DTNB: variants seen among roughly 807,000 people sequenced by gnomAD.
The protein encoded by DTNB is dystrobrevin beta, also known as DTN-B.
Under a neutral mutation model 90.7 loss-of-function variants are expected in DTNB, and 63 were observed. The ratio of observed to expected loss-of-function variants is 0.69; its 90% confidence interval spans 0.57 to 0.86. The LOEUF is 0.86. Ranked by LOEUF, DTNB falls within the 40% of genes least tolerant of loss-of-function variation. DTNB has a pLI of 0.00. For synonymous variants in DTNB, 277 were observed against 286.7 expected, an observed-to-expected ratio of 0.97 and a Z score of 0.34; for missense variants, 744 against 807.1, an observed-to-expected ratio of 0.92 and a Z score of 0.95.
intron 8 of DTNB, among the ~76,000 whole-genome samples, chr2:25,565,007 G>T (rs1235852118): frequency 2.0e-5 from 3 of 151,930 alleles, no homozygotes; most frequent in Admixed American, 6.6e-5. Flanking sequence ...ATGGTTTTTT[G>T]TGTGTGTTAG....
intron 16 of DTNB, among the ~76,000 whole-genome samples, chr2:25,388,799 G>A (rs2040259758): frequency 7.7e-6 from 1 of 130,466 alleles, no homozygotes; most frequent in Non-Finnish European, 1.6e-5. Flanking sequence ...GAGTGGAAAG[G>A]ACATACGTGT....
intron 8 of DTNB, among the ~76,000 whole-genome samples, chr2:25,565,144 G>A (rs531947486): frequency 3.3e-5 from 5 of 152,264 alleles, no homozygotes; most frequent in Admixed American, 6.5e-5. Flanking sequence ...GTACAATGTT[G>A]AATAAAAATG....
At position 25,516,779 on chromosome 2, in the gene DTNB, A is replaced by C. The variant is rs536485537; in HGVS notation, c.1001+14694T>G. Among the ~76,000 whole-genome samples, 28 of 152,218 alleles carry C rather than the reference A, an allele frequency of 1.8e-4. No homozygotes were observed. In the East Asian group the frequency reaches 5.2e-3, roughly 28 times the overall value. ...GTGGTGGGCGCCTGTAATCCCAGCT[A>C]TCTGGTAGGCTGAGGAAGGAGAATC... On this transcript the variant is annotated intron_variant, in intron 9 of 20. Transcript: ENST00000406818.
In DTNB at chr2:25,388,201, CCTT is replaced by C; in HGVS notation, c.1733_1735del (p.Gln578_Gly579delinsArg). ...CGCTGAACTCTGCTCCAGAAACTCACCTTGTGCGAAGGCCTCCTGCACGTCTCC... is the reference window on the plus strand; with the variant it reads ...CGCTGAACTCTGCTCCAGAAACTCACGTGCGAAGGCCTCCTGCACGTCTCC... On this transcript the variant is annotated inframe_deletion and splice_region_variant, in exon 17 of 21. Transcript: ENST00000406818. 1 of 1,564,348 alleles carries C rather than the reference CCTT, an allele frequency of 6.4e-7. No individual in the cohort carries two copies. The highest frequency in any genetic ancestry group is 8.7e-7 in the Non-Finnish European group (1 of 1,155,260).
chr2:25,432,382 T>C (rs2054194890), intron 14 of DTNB, among the ~76,000 whole-genome samples: 1 of 152,178 alleles, frequency 6.6e-6, no homozygotes, highest in Non-Finnish European at 1.5e-5. Context: ...CCTATGTCCT[T>C]AGTTTCCTGA....
intron 6 of DTNB, among the ~76,000 whole-genome samples, chr2:25,595,521 T>C (rs1443438983): frequency 6.6e-6 from 1 of 152,188 alleles, no homozygotes; most frequent in Non-Finnish European, 1.5e-5. Context: ...ACGCTGGCTG[T>C]AGCAACCATT....
intron 8 of DTNB, among the ~76,000 whole-genome samples, chr2:25,548,418 T>C (rs2082894158): frequency 6.6e-6 from 1 of 152,166 alleles, no homozygotes; most frequent in African/African-American, 2.4e-5. Flanking sequence ...TAAGGTTTTT[T>C]TTTTTTCCTT....
At chr2:25,479,184 T>C (rs2064373824) in intron 10 of DTNB, among the ~76,000 whole-genome samples, 1 of 152,202 alleles carries the variant, frequency 6.6e-6, no homozygotes, top group Non-Finnish European at 1.5e-5. Context: ...TCCCACAGAA[T>C]TGTTAAGCTT....
intron 1 of DTNB, among the ~76,000 whole-genome samples, chr2:25,656,167 G>A (rs1404590091): frequency 6.6e-6 from 1 of 152,072 alleles, no homozygotes; most frequent in Non-Finnish European, 1.5e-5. Flanking sequence ...GAGAATTAAG[G>A]CATTAAGTAG....
At position 25,425,583 on chromosome 2, in the gene DTNB, G is replaced by A. The variant is rs1000173790; in HGVS notation, c.1554+1952C>T. 3.3e-5 allele frequency among the ~76,000 whole-genome samples: 5 copies of A among 152,178 alleles called. No individual in the cohort carries two copies. The South Asian group carries it at 6.2e-4, about 19-fold the overall frequency. The stretch of plus-strand genomic sequence containing the variant: ...TTCTTCCCACTCTAACTTGCCCTGC[G>A]CATTTTCCTAAACTGTTATTTTTAA... On this transcript the variant is annotated intron_variant, in intron 15 of 20. Transcript: ENST00000406818.
intron 12 of DTNB, among the ~76,000 whole-genome samples, chr2:25,449,879 T>C (rs891056203): frequency 2.0e-5 from 3 of 151,748 alleles, no homozygotes; most frequent in Non-Finnish European, 4.4e-5. Flanking sequence ...CCTCCTGCCT[T>C]AGCCTCCCAA....
At chr2:25,432,554 C>A (rs1328063702) in intron 14 of DTNB, among the ~76,000 whole-genome samples, 3 of 152,216 alleles carry the variant, frequency 2.0e-5, no homozygotes, top group Non-Finnish European at 4.4e-5. Flanking sequence ...CCAAGTGTCT[C>A]TAAAGTCAGA....
At chr2:25,431,484 T>C (rs759611225) in intron 14 of DTNB, among the ~76,000 whole-genome samples, 6 of 152,232 alleles carry the variant, frequency 3.9e-5, no homozygotes, top group Admixed American at 2.6e-4. Context: ...TTCAGTGATA[T>C]AGGAACTGCT....
At chr2:25,480,094 C>T (rs2064614879) in intron 10 of DTNB, among the ~76,000 whole-genome samples, 1 of 152,124 alleles carries the variant, frequency 6.6e-6, no homozygotes, top group Non-Finnish European at 1.5e-5. Context: ...CATGAAAAGC[C>T]AAGTCTATGA....
intron 3 of DTNB, among the ~76,000 whole-genome samples, chr2:25,631,885 G>C (rs1218814679): frequency 6.6e-6 from 1 of 152,062 alleles, no homozygotes; most frequent in Non-Finnish European, 1.5e-5. Flanking sequence ...AGTACGCAAA[G>C]ATACATATAA....
In DTNB at chr2:25,393,865, C is replaced by T. The variant is rs2041779564; in HGVS notation, c.1576-5504G>A. On this transcript the variant is annotated intron_variant, in intron 16 of 20. Coordinates refer to ENST00000406818, the MANE Select transcript of DTNB (RefSeq NM_021907.5). ...AATGCAATTCCCATCAAAATACCAC[C>T]ATCATTCCTCACAGGACTAGAAAAA... is the stretch of plus-strand genomic sequence containing the variant. 2.6e-5 allele frequency among the ~76,000 whole-genome samples: 4 copies of T among 152,034 alleles called. No homozygotes were observed. The South Asian group carries it at 8.3e-4, about 32-fold the overall frequency.
At chr2:25,432,842 C>T (rs1323461794) in intron 14 of DTNB, 44 bp downstream of exon 14, 2 of 1,542,924 alleles carry the variant, frequency 1.3e-6, no homozygotes, top group African/African-American at 2.7e-5. Flanking sequence ...AAGTTCCATC[C>T]ATAGTAGATT....
intron 1 of DTNB, among the ~76,000 whole-genome samples, chr2:25,663,435 G>T (rs915178480): frequency 6.6e-6 from 1 of 152,168 alleles, no homozygotes; most frequent in Non-Finnish European, 1.5e-5. Flanking sequence ...CCAGTAATGG[G>T]ATTGCTGGGT....
chr2:25,493,918 A>C (rs2068153990), intron 9 of DTNB, among the ~76,000 whole-genome samples: 1 of 152,242 alleles, frequency 6.6e-6, no homozygotes, highest in Non-Finnish European at 1.5e-5. Context: ...TTATAACCAA[A>C]TACATGTAAG....
Sources: allele counts gnomAD v4.1 joint callset (sites outside exome capture counted in the v4.1 genomes callset), GRCh38; gene constraint gnomAD v4.1.1; transcripts MANE v1.5; gene names NCBI Gene and HGNC (gene_info 2026-07-23, HGNC 2026-07-21).